The following MS4A3 variants were observed in gnomAD, a reference collection of about 807,000 sequenced individuals.
The protein encoded by MS4A3 is membrane-spanning 4-domains subfamily A member 3.
Under a neutral mutation model 24.7 loss-of-function variants are expected in MS4A3, and 18 were observed. That is an observed-to-expected ratio of 0.73 (90% CI 0.50 to 1.08). The LOEUF is 1.08. Among genes scored for constraint, MS4A3 ranks in the 50% least tolerant of loss-of-function variants. The pLI is 0.00. For synonymous variants in MS4A3, 84 were observed against 95.3 expected (o/e 0.88, Z 0.69); for missense variants, 282 against 251.7 (o/e 1.12, Z -0.82).
At chr11:60,060,196 G>T (rs1317773766) in intron 1 of MS4A3, among the ~76,000 whole-genome samples, 1 of 152,134 alleles carries the variant, frequency 6.6e-6, no homozygotes, top group African/African-American at 2.4e-5. Context: ...TAAGTTAAAA[G>T]CTGATACCAC....
chr11:60,069,096 ATAG>A (rs1302559998), intron 5 of MS4A3, among the ~76,000 whole-genome samples: 1 of 152,186 alleles, frequency 6.6e-6, no homozygotes, highest in East Asian at 1.9e-4. Flanking sequence ...CTCAGTAATA[ATAG>A]TAGAATCATT....
At chr11:60,061,515 A>T (rs1043087153) in intron 2 of MS4A3, 199 bp downstream of exon 2, 1 of 680,812 alleles carries the variant, frequency 1.5e-6, no homozygotes, top group East Asian at 2.9e-5. Flanking sequence ...GAGGATGAGG[A>T]TGAAGACCTT....
intron 1 of MS4A3, 102 bp from the exon 2 acceptor site, chr11:60,061,044 G>T: frequency 1.0e-6 from 1 of 996,118 alleles, no homozygotes. Flanking sequence ...GAGAGTCATT[G>T]TAATGTATGG....
chr11:60,058,930 A>G lies in MS4A3; in HGVS notation c.-16+2190A>G, dbSNP rs564622282. ...TCACATAGAGTTTGCTTTAAGCTTTATTGATCTTCCCTCGCTCTTGGGTTC... is the reference window on the plus strand; with the variant it reads ...TCACATAGAGTTTGCTTTAAGCTTTGTTGATCTTCCCTCGCTCTTGGGTTC... On this transcript the variant is annotated intron_variant, in intron 1 of 6. Coordinates refer to ENST00000278865, the MANE Select transcript of MS4A3 (RefSeq NM_006138.5). Among the ~76,000 whole-genome samples the G allele has an allele frequency of 3.9e-5, 6 of 152,262 alleles. 1 individual carries two copies. The highest frequency in any genetic ancestry group is 9.6e-5 in the African/African-American group (4 of 41,570).
rs116190236 is a variant in MS4A3 at position 60,060,832 on chromosome 11, G to T, written c.-15-314G>T. 4.2e-3 allele frequency: 738 copies of T among 174,200 alleles called. 8 individuals are homozygous for T. Among genetic ancestry groups the T allele is most frequent in the African/African-American group, 0.016 (692 of 42,450 alleles). The allele number at this position is 174,200 out of a possible 1,614,324, so 10.8% of individuals were successfully genotyped here. On this transcript the variant is annotated intron_variant, in intron 1 of 6. Transcript: ENST00000278865. ...CACTGCTCAGAGAAACCATATGTCT[G>T]GTTGCCCTTGACTGACTTGAAGAAA...
chr11:60,066,989 A>G lies in MS4A3; in HGVS notation c.390A>G (p.Thr130=), dbSNP rs776947347. ...NSFGMNIASA[T]IALVGTAFLS... is the part of the protein sequence containing the mutation. ...TTGGAATGAACATTGCCAGTGCTAC[A>G]ATTGCACTAGTGGGGACTGCTTTTC... The change falls in exon 5 of 7, where the codon ACA becomes ACG. Residue 130 remains threonine (T), a synonymous_variant. Coordinates refer to ENST00000278865, the MANE Select transcript of MS4A3 (RefSeq NM_006138.5). The G allele has an allele frequency of 2.4e-4, 392 of 1,609,212 alleles. 1 individual carries two copies. Among genetic ancestry groups the G allele is most frequent in the Middle Eastern group, 9.9e-4 (6 of 6,076 alleles).
At chr11:60,068,164 G>C (rs1032508921) in intron 5 of MS4A3, among the ~76,000 whole-genome samples, 1 of 151,808 alleles carries the variant, frequency 6.6e-6, no homozygotes, top group Non-Finnish European at 1.5e-5. Context: ...ATAATGACTT[G>C]AAGTTTTGAA....
chr11:60,063,473 A>G (rs563157711), intron 3 of MS4A3, among the ~76,000 whole-genome samples: 17 of 152,100 alleles, frequency 1.1e-4, no homozygotes, highest in Admixed American at 7.9e-4. Flanking sequence ...AGAATTGTCT[A>G]TTCATGTCCT....
rs576362994 is a variant in MS4A3, at chr11:60,070,263, T to C, written c.*30T>C. ...GAATACCTCCTTAATTCTGAGAGCA[T>C]GAATATTTGACCTTAAATCTCCAGT... On this transcript the variant is annotated 3_prime_UTR_variant, in exon 7 of 7. Transcript: ENST00000278865. The C allele has an allele frequency of 1.9e-6, 3 of 1,563,426 alleles. No individual in the cohort carries two copies. In the South Asian group the frequency reaches 3.4e-5, roughly 18 times the overall value.
At chr11:60,067,891 C>CAA (rs1019358608) in intron 5 of MS4A3, among the ~76,000 whole-genome samples, 2 of 142,170 alleles carry the variant, frequency 1.4e-5, no homozygotes, top group Non-Finnish European at 3.1e-5. Flanking sequence ...ACTAAAAATA[C>CAA]AAAAAAAAAA....
At chr11:60,067,527 C>T (rs1855385354) in intron 5 of MS4A3, among the ~76,000 whole-genome samples, 2 of 151,944 alleles carry the variant, frequency 1.3e-5, no homozygotes, top group African/African-American at 4.8e-5. Flanking sequence ...TAATTTGAAT[C>T]TTGGGTCTGT....
intron 4 of MS4A3, among the ~76,000 whole-genome samples, chr11:60,064,970 G>A (rs954519410): frequency 6.6e-6 from 1 of 152,124 alleles, no homozygotes; most frequent in Non-Finnish European, 1.5e-5. Flanking sequence ...CTTTAAAGCT[G>A]ATCTCCCTAC....
rs1211196166 is a variant in MS4A3, at chr11:60,061,204, C to CT, written c.45dup (p.Ala16CysfsTer8). The CT allele has an allele frequency of 6.2e-7, 1 of 1,612,972 alleles. No individual in the cohort carries two copies. Among genetic ancestry groups the CT allele is most frequent in the African/African-American group, 1.3e-5 (1 of 74,854 alleles). The stretch of plus-strand genomic sequence containing the variant: ...GATAATGCAGAGCTGGGGTCAGCCT[C>CT]TGCCCATGGTACCCCAGGCAGTGAG... On this transcript the variant is annotated frameshift_variant, in exon 2 of 7. Coordinates refer to ENST00000278865, the MANE Select transcript of MS4A3 (RefSeq NM_006138.5). LOFTEE classifies it high-confidence loss of function.
At chr11:60,065,848 GAA>G (rs1855352852) in intron 4 of MS4A3, among the ~76,000 whole-genome samples, 2 of 152,156 alleles carry the variant, frequency 1.3e-5, no homozygotes, top group South Asian at 2.1e-4. Flanking sequence ...CCCCAGAGCT[GAA>G]TTCTTTGCCA....
intron 6 of MS4A3, among the ~76,000 whole-genome samples, 175 bp from the exon 7 acceptor site, chr11:60,070,029 C>T (rs949007241): frequency 1.3e-5 from 2 of 152,006 alleles, no homozygotes; most frequent in Non-Finnish European, 2.9e-5. Flanking sequence ...ATAATATTTT[C>T]ATTCTCTTCT....
At chr11:60,063,205 T>G (rs982693036) in intron 3 of MS4A3, among the ~76,000 whole-genome samples, 9 of 152,280 alleles carry the variant, frequency 5.9e-5, no homozygotes, top group Middle Eastern at 3.4e-3. Context: ...ACTTAAAAAA[T>G]TGAATGAAAA....
chr11:60,067,222 T>C, intron 5 of MS4A3, 110 bp downstream of exon 5: 2 of 1,060,950 alleles, frequency 1.9e-6, no homozygotes, highest in Non-Finnish European at 2.6e-6. Context: ...CTTTTTTTTT[T>C]TTTTTTTTGA....
At chr11:60,064,413 C>A in intron 4 of MS4A3, 95 bp downstream of exon 4, 1 of 808,062 alleles carries the variant, frequency 1.2e-6, no homozygotes, top group Non-Finnish European at 1.9e-6. Context: ...ACAACTGAGA[C>A]ACTGAGTATC....
In MS4A3 at chr11:60,069,654, A is replaced by C; in HGVS notation, c.594A>C (p.Ala198=). Residue 198 remains alanine, a synonymous_variant, in exon 6 of 7, where the codon GCA becomes GCC. Coordinates refer to ENST00000278865, the MANE Select transcript of MS4A3 (RefSeq NM_006138.5). ...CTACCATAGCCATGTGGTGCAATGC[A>C]AACTGCTGTAATTCAAGAGAGGTGA... ...TISTIAMWCN[A]NCCNSREEIS... 1.2e-6 allele frequency: 2 copies of C among 1,612,616 alleles called. No homozygotes were observed. The highest frequency in any genetic ancestry group is 1.7e-6 in the Non-Finnish European group (2 of 1,178,672).
Sources: allele counts gnomAD v4.1 joint callset (sites outside exome capture counted in the v4.1 genomes callset), GRCh38; gene constraint gnomAD v4.1.1; transcripts MANE v1.5; gene names NCBI Gene and HGNC (gene_info 2026-07-23, HGNC 2026-07-21).